RAD50: variants seen among roughly 807,000 people sequenced by gnomAD.
RAD50 encodes DNA repair protein RAD50.
A neutral mutation model predicts 168.8 loss-of-function variants in RAD50; 132 were observed. The ratio of observed to expected loss-of-function variants is 0.78; its 90% CI spans 0.68 to 0.90. RAD50 has a LOEUF of 0.90. RAD50 is among the 40% of genes least tolerant of loss of function. The pLI is 0.00. For synonymous variants in RAD50, 525 were observed against 497.4 expected (o/e 1.06, Z -0.74); for missense variants, 1,347 against 1,534.4 (o/e 0.88, Z 2.04).
chr5:132,578,524 CTTTTTTTTTTTTTTTTT>C (rs903882684), intron 3 of RAD50, among the ~76,000 whole-genome samples: 1 of 84,342 alleles, frequency 1.2e-5, no homozygotes, highest in Non-Finnish European at 2.3e-5. Context: ...TTTTTTCTTT[CTTTTTTTTTTTTTTTTT>C]TTTTTTTGAG....
chr5:132,598,663 A>G (rs940453365), intron 13 of RAD50, among the ~76,000 whole-genome samples: 3 of 152,066 alleles, frequency 2.0e-5, no homozygotes, highest in Admixed American at 1.3e-4. Flanking sequence ...GATGCTCACT[A>G]TTGTCTGGGA....
chr5:132,619,445 G>A (rs954544409), intron 21 of RAD50, among the ~76,000 whole-genome samples: 7 of 151,972 alleles, frequency 4.6e-5, no homozygotes, highest in Non-Finnish European at 1.0e-4. Context: ...TGTCACCTAG[G>A]CTAGAGTGCA....
chr5:132,627,740 G>T (rs1405388962), intron 21 of RAD50, among the ~76,000 whole-genome samples: 4 of 152,224 alleles, frequency 2.6e-5, no homozygotes, highest in Admixed American at 1.3e-4. Flanking sequence ...AGGGTTTGAA[G>T]CAGGGAAGTA....
intron 21 of RAD50, among the ~76,000 whole-genome samples, chr5:132,631,115 TCA>T (rs1473106859): frequency 1.4e-5 from 2 of 147,034 alleles, no homozygotes; most frequent in South Asian, 4.3e-4. Context: ...CGAGAGAGTC[TCA>T]CTTTTTTTTT....
intron 19 of RAD50, among the ~76,000 whole-genome samples, chr5:132,610,492 C>G: frequency 6.6e-6 from 1 of 151,932 alleles, no homozygotes; most frequent in South Asian, 2.1e-4. Context: ...GTAGTTAATG[C>G]CTTTAAAAAC....
chr5:132,599,880 T>G (rs550850834), intron 13 of RAD50, among the ~76,000 whole-genome samples: 1 of 152,196 alleles, frequency 6.6e-6, no homozygotes, highest in Admixed American at 6.5e-5. Context: ...TTGATTTACA[T>G]GATCATTAAG....
intron 16 of RAD50, among the ~76,000 whole-genome samples, chr5:132,607,402 C>T (rs1751003341): frequency 6.6e-6 from 1 of 152,156 alleles, no homozygotes; most frequent in Admixed American, 6.5e-5. Context: ...ATGCATTTGA[C>T]ATCCCTTATA....
intron 21 of RAD50, among the ~76,000 whole-genome samples, chr5:132,633,455 C>G (rs1252756192): frequency 6.6e-6 from 1 of 152,044 alleles, no homozygotes; most frequent in Non-Finnish European, 1.5e-5. Context: ...TTTAGGTAGT[C>G]AAATCTTTAG....
intron 24 of RAD50, 65 bp downstream of exon 24, chr5:132,640,870 GT>G: frequency 1.2e-6 from 2 of 1,606,686 alleles, no homozygotes; most frequent in Non-Finnish European, 1.7e-6. Context: ...GGTTGTGATA[GT>G]TCTTCAAAAC....
At chr5:132,580,092 C>A (rs368346044) in intron 5 of RAD50, 26 bp downstream of exon 5, 1 of 1,542,862 alleles carries the variant, frequency 6.5e-7, no homozygotes, top group Non-Finnish European at 9.0e-7. Context: ...TTTTAATTGA[C>A]AAAAATTGTA....
In RAD50 at chr5:132,588,113, C is replaced by T. The variant is rs779398677; in HGVS notation, c.1051+24C>T. 14 of 1,595,320 alleles carry T rather than the reference C, an allele frequency of 8.8e-6. No individual in the cohort carries two copies. The East Asian group carries it at 1.3e-4, about 15-fold the overall frequency. The stretch of plus-strand genomic sequence containing the variant: ...GGGTAGGACAAAATGTTTATTTGGT[C>T]GTTTTTCCTACTATGATGTTATACA... On this transcript the variant is annotated intron_variant, in intron 7 of 24. Coordinates refer to ENST00000378823, the MANE Select transcript of RAD50 (RefSeq NM_005732.4).
chr5:132,557,306 A>C lies in RAD50; in HGVS notation c.-19A>C. 2 of 1,614,028 alleles carry C rather than the reference A, an allele frequency of 1.2e-6. No individual in the cohort carries two copies. Among genetic ancestry groups the C allele is most frequent in the Non-Finnish European group, 1.7e-6 (2 of 1,179,864 alleles). On this transcript the variant is annotated 5_prime_UTR_variant, in exon 1 of 25. Coordinates refer to ENST00000378823, the MANE Select transcript of RAD50 (RefSeq NM_005732.4). The stretch of plus-strand genomic sequence containing the variant: ...TTGTGGGCTCCAGGTCCCTGGTGAG[A>C]TTAGAAACGTTTGCAAACATGTCCC...
At chr5:132,639,546 C>G (rs1561660329) in intron 23 of RAD50, among the ~76,000 whole-genome samples, 1 of 152,152 alleles carries the variant, frequency 6.6e-6, no homozygotes, top group Non-Finnish European at 1.5e-5. Flanking sequence ...TGAGAAAATA[C>G]AGAGTTTGAA....
rs569133921 is a variant in RAD50, at chr5:132,599,476, A to G, written c.2207+3666A>G. Among the ~76,000 whole-genome samples, 12 of 152,336 alleles carry G rather than the reference A, an allele frequency of 7.9e-5. 1 individual carries two copies. In the South Asian group the frequency reaches 2.5e-3, roughly 32 times the overall value. ...AATGAGAGAGGAAGTCTTCTTCCCA[A>G]TAGTAGGAAATAACATTATAAAACA... On this transcript the variant is annotated intron_variant, in intron 13 of 24. Transcript: ENST00000378823.
intron 5 of RAD50, among the ~76,000 whole-genome samples, chr5:132,581,864 CT>C (rs1476707162): frequency 6.6e-6 from 1 of 151,250 alleles, no homozygotes; most frequent in Non-Finnish European, 1.5e-5. Context: ...AACAGATTTC[CT>C]TTTTTTTTCT....
intron 12 of RAD50, 129 bp downstream of exon 12, chr5:132,595,173 T>C (rs1400125323): frequency 2.0e-6 from 2 of 988,368 alleles, no homozygotes; most frequent in Non-Finnish European, 3.0e-6. Flanking sequence ...CAGTCCTGGC[T>C]CTACAACTTA....
At position 132,589,660 on chromosome 5, in the gene RAD50, A is replaced by G. The variant is rs769385714; in HGVS notation, c.1275A>G (p.Lys425=). 1 of 1,602,124 alleles carries G rather than the reference A, an allele frequency of 6.2e-7. No individual in the cohort carries two copies. The highest frequency in any genetic ancestry group is 8.5e-7 in the Non-Finnish European group (1 of 1,174,974). ...MNDFAEKETL[K]QKQIDEIRDK... ...ACTTTGCAGAAAAAGAGACTCTGAA[A>G]CAAAAACAGATAGATGAGATAAGAG... The change falls in exon 9 of 25, where the codon AAA becomes AAG. Residue 425 remains lysine (K), a synonymous_variant. Coordinates refer to ENST00000378823, the MANE Select transcript of RAD50 (RefSeq NM_005732.4).
intron 19 of RAD50, among the ~76,000 whole-genome samples, chr5:132,614,643 C>T (rs951409906): frequency 5.3e-5 from 8 of 151,552 alleles, no homozygotes; most frequent in Non-Finnish European, 8.8e-5. Flanking sequence ...GTAAATGATA[C>T]GTAGTTTTTA....
rs536567192 is a variant in RAD50 at position 132,643,393 on chromosome 5, C to T, written c.*1029C>T. On this transcript the variant is annotated 3_prime_UTR_variant, in exon 25 of 25. Transcript: ENST00000378823. ...CCACACAGAATGCAACCAAGTCACA[C>T]GCTTTTGAATTATGCTTTGTAGAGT... 2.2e-4 allele frequency: 53 copies of T among 239,278 alleles called. No individual in the cohort carries two copies. The South Asian group carries it at 4.3e-3, about 19-fold the overall frequency. 14.8% of individuals were successfully genotyped at this position (239,278 alleles called of 1,614,324 possible).
Sources: gnomAD v4.1 joint callset for allele counts (sites outside exome capture counted in the v4.1 genomes callset) on GRCh38, gnomAD v4.1.1 for gene constraint, MANE v1.5 for transcripts, NCBI Gene and HGNC (gene_info 2026-07-23, HGNC 2026-07-21) for gene names.